ITGA8: variants seen among roughly 807,000 people sequenced by gnomAD.
ITGA8 encodes integrin subunit alpha 8, also known as integrin alpha-8.
Under a neutral mutation model 142.3 loss-of-function variants are expected in ITGA8, and 91 were observed. The observed-to-expected ratio is 0.64, with a 90% CI of 0.54 to 0.76. The LOEUF (loss-of-function observed/expected upper bound fraction) is 0.76, where lower values mean the gene tolerates loss of function less well. Among genes scored for constraint, ITGA8 ranks in the 30% least tolerant of loss-of-function variants. The pLI, the probability that ITGA8 is intolerant of heterozygous loss-of-function variation, is 0.00. For synonymous variants in ITGA8, 505 were observed against 485.2 expected (o/e 1.04, Z -0.54); for missense variants, 1,406 against 1,327.7 (o/e 1.06, Z -0.92).
Position 15,607,763 on chromosome 10 carries a change from C to A in ITGA8, c.1678G>T (p.Asp560Tyr). 1 of 1,612,768 alleles carries A rather than the reference C, an allele frequency of 6.2e-7. No homozygotes were observed. The highest frequency in any genetic ancestry group is 8.5e-7 in the Non-Finnish European group (1 of 1,178,802). ...AAGACGCGATGAGCCTGATGGTTAT[C>A]AAGGAAGAGCGTCCGTTTAATAGCT... The part of the protein sequence containing the change: ...KGAIKRTLFL[D>Y]NHQAHRVFPL... Residue 560 changes from aspartate to tyrosine, a missense_variant, in exon 17 of 30, where the codon GAT (aspartate) becomes TAT (tyrosine). By Grantham distance (160) the Asp-to-Tyr change is radical. Coordinates refer to ENST00000378076, the MANE Select transcript of ITGA8 (RefSeq NM_003638.3).
chr10:15,534,454 A>G (rs1160161228), intron 27 of ITGA8, among the ~76,000 whole-genome samples: 1 of 152,202 alleles, frequency 6.6e-6, no homozygotes, highest in Non-Finnish European at 1.5e-5. Context: ...AACCTAGAAC[A>G]ATGTGCACAG....
chr10:15,663,766 C>T (rs1834334308), intron 8 of ITGA8, among the ~76,000 whole-genome samples: 1 of 152,060 alleles, frequency 6.6e-6, no homozygotes, highest in Non-Finnish European at 1.5e-5. Context: ...GAGGAGGTCT[C>T]ACTGTGTTGC....
intron 11 of ITGA8, among the ~76,000 whole-genome samples, chr10:15,655,080 T>G (rs376795091): frequency 6.0e-5 from 8 of 132,884 alleles, no homozygotes; most frequent in Admixed American, 3.4e-4. Context: ...GCTATGAATT[T>G]TGAATGGCTG....
intron 26 of ITGA8, among the ~76,000 whole-genome samples, chr10:15,549,136 A>C (rs909182621): frequency 6.6e-6 from 1 of 151,740 alleles, no homozygotes; most frequent in African/African-American, 2.4e-5. Context: ...GTTCCTCAAA[A>C]GGATTCATTA....
chr10:15,592,600 G>GTTGA lies in ITGA8; in HGVS notation c.2212-300_2212-297dup, dbSNP rs1200819546. On this transcript the variant is annotated intron_variant, in intron 21 of 29. Coordinates refer to ENST00000378076, the MANE Select transcript of ITGA8 (RefSeq NM_003638.3). ...CAAATATATGAGAAGACACTGATTG[G>GTTGA]TTGATTGATTGATTGATTGATTGAG... Among the ~76,000 whole-genome samples, 441 of 152,218 alleles carry GTTGA rather than the reference G, an allele frequency of 2.9e-3. 5 individuals carry two copies. The highest frequency in any genetic ancestry group is 0.01 in the African/African-American group (417 of 41,528).
chr10:15,689,461 G>A (rs1030382834), intron 2 of ITGA8, among the ~76,000 whole-genome samples: 2 of 152,142 alleles, frequency 1.3e-5, no homozygotes, highest in African/African-American at 2.4e-5. Flanking sequence ...AGGAAAAGAT[G>A]AGCAGGAGGC....
At chr10:15,526,858 C>T (rs1833184894) in intron 28 of ITGA8, among the ~76,000 whole-genome samples, 1 of 152,148 alleles carries the variant, frequency 6.6e-6, no homozygotes, top group Admixed American at 6.5e-5. Context: ...TTCATCATGT[C>T]ATAAATCTTG....
intron 3 of ITGA8, 134 bp from the exon 4 acceptor site, chr10:15,684,261 C>A: frequency 1.2e-6 from 1 of 811,864 alleles, no homozygotes; most frequent in Non-Finnish European, 1.9e-6. Context: ...CTAATGAGTG[C>A]CTTGGTCATC....
chr10:15,552,432 C>A (rs778923499), intron 26 of ITGA8, among the ~76,000 whole-genome samples: 2 of 152,184 alleles, frequency 1.3e-5, no homozygotes, highest in Non-Finnish European at 2.9e-5. Flanking sequence ...GACACTACAC[C>A]CTGTCTAACT....
At chr10:15,678,593 G>A (rs1207425784) in intron 5 of ITGA8, 129 bp downstream of exon 5, 1 of 642,074 alleles carries the variant, frequency 1.6e-6, no homozygotes, top group Non-Finnish European at 2.8e-6. Flanking sequence ...GCCCAAACAG[G>A]CTAGGTATGT....
chr10:15,522,351 G>A (rs562568119), intron 28 of ITGA8, among the ~76,000 whole-genome samples: 2 of 152,284 alleles, frequency 1.3e-5, no homozygotes, highest in African/African-American at 4.8e-5. Context: ...TGAAATTACT[G>A]CTGAATCCTA....
intron 25 of ITGA8, among the ~76,000 whole-genome samples, chr10:15,562,064 C>A (rs1833993643): frequency 6.6e-6 from 1 of 152,194 alleles, no homozygotes; most frequent in Admixed American, 6.5e-5. Flanking sequence ...CCCCCGTGAT[C>A]CAATTACCTC....
intron 2 of ITGA8, among the ~76,000 whole-genome samples, chr10:15,689,258 T>C (rs1834888492): frequency 1.3e-5 from 2 of 152,120 alleles, no homozygotes; most frequent in African/African-American, 4.8e-5. Context: ...CTTGCTCCCT[T>C]ACAAAAAAGG....
rs1173305600 is a variant in ITGA8 at position 15,646,867 on chromosome 10, G to C, written c.1186C>G (p.Leu396Val). 2 of 1,613,852 alleles carry C rather than the reference G, an allele frequency of 1.2e-6. No homozygotes were observed. The highest frequency in any genetic ancestry group is 1.1e-5 in the South Asian group (1 of 91,052). Residue 396 changes from leucine to valine, a missense_variant, in exon 12 of 30, where the codon CTG becomes GTG. Transcript: ENST00000378076. ...FGSAMAHLGD[L>V]NQDGYNDIAI... ...TTACCATTGTATCCATCTTGGTTCA[G>C]GTCTCCTAAGTGTGCCATAGCACTA...
rs1336205284 is a variant in ITGA8 at position 15,584,300 on chromosome 10, AG to A, written c.2372+2283del. Among the ~76,000 whole-genome samples the A allele has an allele frequency of 2.1e-4, 24 of 111,752 alleles. No homozygotes were observed. In the South Asian group the frequency reaches 2.2e-3, roughly 10 times the overall value. The allele number at this position is 111,752 out of a possible 152,430, so 73.3% of individuals were successfully genotyped here. The stretch of plus-strand genomic sequence containing the variant: ...TGATGCAGCGAGACTGTCAAGAAAA[AG>A]AAAAGAAAAGAAAAGAAAAGAAATA... On this transcript the variant is annotated intron_variant, in intron 23 of 29. Transcript: ENST00000378076.
chr10:15,549,201 G>GTTTTTTTTTTTTTTTTTTTT lies in ITGA8; in HGVS notation c.2767-653_2767-634dup, dbSNP rs67683436. 1.4e-3 allele frequency among the ~76,000 whole-genome samples: 152 copies of GTTTTTTTTTTTTTTTTTTTT among 107,188 alleles called. 4 individuals carry two copies. Among genetic ancestry groups the GTTTTTTTTTTTTTTTTTTTT allele is most frequent in the Middle Eastern group, 4.3e-3 (1 of 234 alleles). The allele number at this position is 107,188 out of a possible 152,430, so 70.3% of individuals were successfully genotyped here. ...TTCTTTCTTTTTTCTTTTCTTTTCT[G>GTTTTTTTTTTTTTTTTTTTT]TTTTTTTTTTTTTTTTTTTTTTTTT... is the stretch of plus-strand genomic sequence containing the variant. On this transcript the variant is annotated intron_variant, in intron 26 of 29. Transcript: ENST00000378076.
At chr10:15,527,576 C>T (rs755162397) in intron 28 of ITGA8, among the ~76,000 whole-genome samples, 2 of 152,088 alleles carry the variant, frequency 1.3e-5, no homozygotes, top group African/African-American at 2.4e-5. Flanking sequence ...CCCTTGTCTC[C>T]GGACATGACA....
chr10:15,618,681 G>T (rs1833437846), intron 13 of ITGA8, among the ~76,000 whole-genome samples: 1 of 152,156 alleles, frequency 6.6e-6, no homozygotes, highest in Admixed American at 6.5e-5. Flanking sequence ...AACGACAAAA[G>T]ACTAGATTGG....
At chr10:15,532,263 C>T (rs1201318983) in intron 27 of ITGA8, among the ~76,000 whole-genome samples, 4 of 151,196 alleles carry the variant, frequency 2.6e-5, no homozygotes, top group Admixed American at 1.3e-4. Context: ...ACTAAAAATA[C>T]AAAAAATTAG....
Sources: gnomAD v4.1 joint callset for allele counts (sites outside exome capture counted in the v4.1 genomes callset) on GRCh38, gnomAD v4.1.1 for gene constraint, MANE v1.5 for transcripts, NCBI Gene and HGNC (gene_info 2026-07-23, HGNC 2026-07-21) for gene names.